GPLD1: variants seen among roughly 807,000 people sequenced by gnomAD.
The protein encoded by GPLD1 is glycosylphosphatidylinositol specific phospholipase D1.
A neutral mutation model predicts 112.6 loss-of-function variants in GPLD1; 84 were observed. The ratio of observed to expected loss-of-function variants is 0.75; its 90% CI spans 0.63 to 0.89. The LOEUF (loss-of-function observed/expected upper bound fraction) is 0.89, where lower values mean the gene tolerates loss of function less well. Among genes scored for constraint, GPLD1 ranks in the 40% least tolerant of loss-of-function variants. The pLI is 0.00. For missense variants in GPLD1, 1,044 were observed against 1,051.5 expected (o/e 0.99, Z 0.10); for synonymous variants, 386 against 403.8 (o/e 0.96, Z 0.53).
At chr6:24,485,674 C>A (rs2744569) in intron 2 of GPLD1, among the ~76,000 whole-genome samples, 4 of 149,216 alleles carry the variant, frequency 2.7e-5, no homozygotes, top group Admixed American at 6.7e-5. Flanking sequence ...TAATGAGTCT[C>A]TTTTTTTTTT....
intron 12 of GPLD1, among the ~76,000 whole-genome samples, chr6:24,456,889 TAGAA>T (rs896182833): frequency 2.0e-5 from 3 of 152,030 alleles, no homozygotes; most frequent in Non-Finnish European, 4.4e-5. Context: ...CCAGCATGGG[TAGAA>T]AGAGTTATCG....
chr6:24,448,188 A>C lies in GPLD1; in HGVS notation c.1467T>G (p.Phe489Leu), dbSNP rs770986262. 6.2e-7 allele frequency: 1 copy of C among 1,608,808 alleles called. No homozygotes were observed. The highest frequency in any genetic ancestry group is 1.7e-4 in the Middle Eastern group (1 of 6,060). Residue 489 changes from phenylalanine (F) to leucine (L), a missense_variant, in exon 16 of 25, where the codon TTT (phenylalanine) becomes TTG (leucine). Physicochemically the swap from Phe to Leu is conservative, Grantham distance 22. Transcript: ENST00000230036. Reference sequence around the variant, plus strand: ...AAGACATTCCTCCTTGTTTGGAACCAAAGTAGACATACACGGCACCCTAGA... The same window carrying C: ...AAGACATTCCTCCTTGTTTGGAACCCAAGTAGACATACACGGCACCCTAGA... ...LTYKGAVYVYFGSKQGGMSSS... is the reference protein window; with the variant it reads ...LTYKGAVYVYLGSKQGGMSSS...
At position 24,433,484 on chromosome 6, in the gene GPLD1, C is replaced by CTT. The variant is rs58008688; in HGVS notation, c.2359-97_2359-96dup. 3.0e-3 allele frequency: 1,292 copies of CTT among 436,318 alleles called. 4 individuals carry two copies. Among genetic ancestry groups the CTT allele is most frequent in the South Asian group, 0.011 (426 of 39,884 alleles). 27.0% of individuals were successfully genotyped at this position (436,318 alleles called of 1,614,324 possible). On this transcript the variant is annotated intron_variant, in intron 22 of 24. Coordinates refer to ENST00000230036, the MANE Select transcript of GPLD1 (RefSeq NM_001503.4). ...TTATACCCTTATACCCTCATTTCTA[C>CTT]TTTTTTTTTTTTTTTTTTTTTTTTT...
chr6:24,457,395 C>A lies in GPLD1; in HGVS notation c.1009-758G>T, dbSNP rs1488142094. ...ACTTGGGAGGCTGAAATGGGAGGAT[C>A]ACCTGCATCCAAGAGGTTGAGGCTG... On this transcript the variant is annotated intron_variant, in intron 12 of 24. Coordinates refer to ENST00000230036, the MANE Select transcript of GPLD1 (RefSeq NM_001503.4). Among the ~76,000 whole-genome samples the A allele has an allele frequency of 2.0e-5, 3 of 151,986 alleles. 1 individual carries two copies. The highest frequency in any genetic ancestry group is 4.4e-5 in the Non-Finnish European group (3 of 68,002).
At chr6:24,482,009 A>T (rs979177144) in intron 2 of GPLD1, among the ~76,000 whole-genome samples, 2 of 152,180 alleles carry the variant, frequency 1.3e-5, no homozygotes, top group African/African-American at 4.8e-5. Flanking sequence ...AGTAAATTTT[A>T]AAAATTATGC....
intron 13 of GPLD1, among the ~76,000 whole-genome samples, chr6:24,455,398 A>T (rs1445770202): frequency 6.6e-6 from 1 of 152,258 alleles, no homozygotes; most frequent in Non-Finnish European, 1.5e-5. Context: ...AAGGACTGTC[A>T]GGAAATTGTG....
intron 20 of GPLD1, among the ~76,000 whole-genome samples, chr6:24,437,705 T>C (rs2127319669): frequency 6.6e-6 from 1 of 152,218 alleles, no homozygotes; most frequent in African/African-American, 2.4e-5. Context: ...CACCCACACT[T>C]CACCAAAATG....
In GPLD1 at chr6:24,457,787, C is replaced by T. The variant is rs573366835; in HGVS notation, c.1009-1150G>A. 6.7e-4 allele frequency among the ~76,000 whole-genome samples: 101 copies of T among 151,788 alleles called. No homozygotes were observed. In the Middle Eastern group the frequency reaches 0.01, roughly 15 times the overall value. On this transcript the variant is annotated intron_variant, in intron 12 of 24. Coordinates refer to ENST00000230036, the MANE Select transcript of GPLD1 (RefSeq NM_001503.4). ...ACTTGGGAGGCTGAGGCAGGAAAATCGCTTGAACCTGGGAGATGGAGGTTG... is the reference window on the plus strand; with the variant it reads ...ACTTGGGAGGCTGAGGCAGGAAAATTGCTTGAACCTGGGAGATGGAGGTTG...
intron 2 of GPLD1, among the ~76,000 whole-genome samples, chr6:24,481,317 A>G (rs547748901): frequency 6.6e-6 from 1 of 152,028 alleles, no homozygotes; most frequent in East Asian, 1.9e-4. Flanking sequence ...ACACTGGGCA[A>G]AGTAAAAGTT....
Position 24,462,689 on chromosome 6 carries a change from G to A in GPLD1, c.887+41C>T, listed in dbSNP as rs148390808. 1.5e-3 allele frequency: 1,931 copies of A among 1,325,318 alleles called. 49 individuals are homozygous for A. The Admixed American group carries it at 0.031, about 21-fold the overall frequency. 82.1% of individuals were successfully genotyped at this position (1,325,318 alleles called of 1,614,324 possible). ...CCTCTATAGGGCATCTCCTCCAGGTGAGATGTACTTTTTCTATGAACAATT... is the reference window on the plus strand; with the variant it reads ...CCTCTATAGGGCATCTCCTCCAGGTAAGATGTACTTTTTCTATGAACAATT... On this transcript the variant is annotated intron_variant, in intron 11 of 24. Transcript: ENST00000230036.
chr6:24,443,624 C>T (rs1031222666), intron 20 of GPLD1, among the ~76,000 whole-genome samples: 9 of 151,996 alleles, frequency 5.9e-5, no homozygotes, highest in Admixed American at 1.3e-4. Context: ...GCTGTGTCTT[C>T]GATTTAATGA....
intron 15 of GPLD1, among the ~76,000 whole-genome samples, chr6:24,449,585 C>T (rs2127335144): frequency 1.3e-5 from 2 of 152,256 alleles, no homozygotes; most frequent in Middle Eastern, 6.8e-3. Flanking sequence ...AAAATAAGGC[C>T]AGGGAGGCAG....
intron 24 of GPLD1, among the ~76,000 whole-genome samples, chr6:24,432,329 G>C (rs942139377): frequency 1.3e-5 from 2 of 151,856 alleles, no homozygotes; most frequent in East Asian, 1.9e-4. Flanking sequence ...CGGGTGCAGT[G>C]GTGCATGCTT....
At position 24,437,268 on chromosome 6, in the gene GPLD1, A is replaced by G. The variant is rs1341149605; in HGVS notation, c.2042T>C (p.Phe681Ser). 3 of 1,613,826 alleles carry G rather than the reference A, an allele frequency of 1.9e-6. No individual in the cohort carries two copies. Among genetic ancestry groups the G allele is most frequent in the Non-Finnish European group, 2.5e-6 (3 of 1,179,998 alleles). The change falls in exon 21 of 25, where the codon TTC (phenylalanine) becomes TCC (serine). Residue 681 changes from phenylalanine (F) to serine (S), a missense_variant. Coordinates refer to ENST00000230036, the MANE Select transcript of GPLD1 (RefSeq NM_001503.4). ...GCCTTGGTGTAGGGTCACGGTCAGG[A>G]ATGCCACCTTAGACACGTCATCTGA... Reference protein sequence around the residue: ...PTYDDVSKVAFLTVTLHQGGA... With the variant: ...PTYDDVSKVASLTVTLHQGGA...
chr6:24,468,483 G>A (rs1046789437), intron 7 of GPLD1, among the ~76,000 whole-genome samples: 3 of 152,144 alleles, frequency 2.0e-5, no homozygotes, highest in Admixed American at 2.0e-4. Context: ...CCTATGACCT[G>A]GAAGCCTCCT....
intron 21 of GPLD1, 34 bp downstream of exon 21, chr6:24,437,079 C>G: frequency 6.3e-7 from 1 of 1,598,332 alleles, no homozygotes; most frequent in Admixed American, 1.7e-5. Context: ...CAAAGGGACT[C>G]AATTCTTGTC....
rs561831419 is a variant in GPLD1 at position 24,476,964 on chromosome 6, C to G, written c.233-686G>C. On this transcript the variant is annotated intron_variant, in intron 3 of 24. Transcript: ENST00000230036. The stretch of plus-strand genomic sequence containing the variant: ...ACTGCCGAGTTCAGATCCCTCAGTT[C>G]AATTTTTCTATGCCGTTCCTAAAGT... 9.9e-5 allele frequency among the ~76,000 whole-genome samples: 15 copies of G among 152,090 alleles called. No homozygotes were observed. In the South Asian group the frequency reaches 3.1e-3, roughly 32 times the overall value.
chr6:24,442,276 C>T (rs1210449340), intron 20 of GPLD1, among the ~76,000 whole-genome samples: 2 of 151,400 alleles, frequency 1.3e-5, no homozygotes, highest in African/African-American at 4.8e-5. Context: ...GTGCCCATCA[C>T]TATGCCTACC....
intron 20 of GPLD1, among the ~76,000 whole-genome samples, chr6:24,438,258 A>G (rs141880795): frequency 1.2e-3 from 188 of 152,358 alleles, no homozygotes; most frequent in African/African-American, 4.3e-3. Flanking sequence ...AGTATTCAAT[A>G]AAGTGTTTTT....
Sources: gnomAD v4.1 joint callset for allele counts (sites outside exome capture counted in the v4.1 genomes callset) on GRCh38, gnomAD v4.1.1 for gene constraint, MANE v1.5 for transcripts, NCBI Gene and HGNC (gene_info 2026-07-23, HGNC 2026-07-21) for gene names.